Variants in GPC5 observed in about 807,000 individuals in gnomAD.
The protein encoded by GPC5 is glypican 5.
A neutral mutation model predicts 53.9 loss-of-function variants in GPC5; 47 were observed. The ratio of observed to expected loss-of-function variants is 0.87; its 90% CI spans 0.69 to 1.11. The LOEUF is 1.11. GPC5 is among the 50% of genes most tolerant of loss of function. GPC5 has a pLI of 0.00. For missense variants in GPC5, 748 were observed against 713.1 expected (o/e 1.05, Z -0.56); for synonymous variants, 286 against 263.3 (o/e 1.09, Z -0.84).
chr13:92,351,474 T>A (rs1338361154), intron 7 of GPC5, among the ~76,000 whole-genome samples: 1 of 151,974 alleles, frequency 6.6e-6, no homozygotes, highest in Non-Finnish European at 1.5e-5. Context: ...ACAATGAACA[T>A]TTCTGTTCAA....
intron 5 of GPC5, 155 bp downstream of exon 5, chr13:91,756,575 C>T: frequency 1.8e-6 from 1 of 550,308 alleles, no homozygotes; most frequent in Non-Finnish European, 2.9e-6. Flanking sequence ...AGGAAAAGAA[C>T]AACAAAACCT....
At chr13:92,497,936 T>A (rs1227932217) in intron 7 of GPC5, among the ~76,000 whole-genome samples, 1 of 152,080 alleles carries the variant, frequency 6.6e-6, no homozygotes, top group East Asian at 1.9e-4. Context: ...TTTTGCACAT[T>A]GCTTTTGTAT....
chr13:92,412,606 C>T (rs548990167), intron 7 of GPC5, among the ~76,000 whole-genome samples: 4 of 152,162 alleles, frequency 2.6e-5, no homozygotes, highest in Non-Finnish European at 5.9e-5. Context: ...TGAAACATAG[C>T]CATGACCATT....
chr13:91,597,756 A>G (rs2033045821), intron 2 of GPC5, among the ~76,000 whole-genome samples: 2 of 152,108 alleles, frequency 1.3e-5, no homozygotes, highest in African/African-American at 4.8e-5. Flanking sequence ...CTGGGGTCCA[A>G]AATGGGGCAT....
chr13:92,111,885 G>T (rs1310132039), intron 6 of GPC5, among the ~76,000 whole-genome samples: 1 of 152,168 alleles, frequency 6.6e-6, no homozygotes, highest in East Asian at 1.9e-4. Flanking sequence ...AAGGGAGGAT[G>T]ATAAAAGTTT....
chr13:91,441,442 A>T (rs1003569935), intron 1 of GPC5, among the ~76,000 whole-genome samples: 2 of 152,170 alleles, frequency 1.3e-5, no homozygotes, highest in African/African-American at 4.8e-5. Flanking sequence ...AGATTTCTTT[A>T]TATTGCAGGT....
At chr13:92,613,580 ATAT>A (rs1190657834) in intron 7 of GPC5, among the ~76,000 whole-genome samples, 49 of 119,170 alleles carry the variant, frequency 4.1e-4, no homozygotes, top group East Asian at 3.6e-3. Flanking sequence ...ATAATATATA[ATAT>A]TTTATATATC....
Position 92,657,533 on chromosome 13 carries a change from C to T in GPC5, c.1562-208749C>T, listed in dbSNP as rs540578527. Reference sequence around the variant, plus strand: ...GATTAAATTAGAGACACAACTGGCACGGAAGAGTGTTAGTCAGAACTACTA... The same window carrying T: ...GATTAAATTAGAGACACAACTGGCATGGAAGAGTGTTAGTCAGAACTACTA... On this transcript the variant is annotated intron_variant, in intron 7 of 7. Transcript: ENST00000377067. 3.4e-5 allele frequency among the ~76,000 whole-genome samples: 5 copies of T among 146,836 alleles called. No homozygotes were observed. The East Asian group carries it at 6.0e-4, about 18-fold the overall frequency.
intron 7 of GPC5, among the ~76,000 whole-genome samples, chr13:92,543,879 CAT>C (rs1882013780): frequency 2.0e-5 from 3 of 151,908 alleles, no homozygotes; most frequent in South Asian, 2.1e-4. Context: ...AAATGCATCT[CAT>C]GTGTAGTTTA....
intron 2 of GPC5, among the ~76,000 whole-genome samples, chr13:91,507,208 G>A (rs1193586490): frequency 6.6e-6 from 1 of 152,070 alleles, no homozygotes; most frequent in South Asian, 2.1e-4. Context: ...CCTAGTTCCT[G>A]GTTCATAGAT....
chr13:91,535,506 A>G (rs958150535), intron 2 of GPC5, among the ~76,000 whole-genome samples: 3 of 152,202 alleles, frequency 2.0e-5, no homozygotes, highest in Admixed American at 6.5e-5. Flanking sequence ...TGAAAATATT[A>G]TATACACATT....
intron 7 of GPC5, among the ~76,000 whole-genome samples, chr13:92,669,853 T>C (rs562591008): frequency 6.6e-6 from 1 of 152,276 alleles, no homozygotes; most frequent in South Asian, 2.1e-4. Flanking sequence ...TGTCCCTTCA[T>C]AGTCAATAGC....
At chr13:92,181,172 G>A (rs930238360) in intron 7 of GPC5, among the ~76,000 whole-genome samples, 13 of 152,122 alleles carry the variant, frequency 8.5e-5, no homozygotes, top group African/African-American at 2.7e-4. Context: ...GTCCACAATA[G>A]CTAGTCTTTA....
Position 91,498,521 on chromosome 13 carries a change from C to T in GPC5, c.325+49599C>T, listed in dbSNP as rs183578713. Among the ~76,000 whole-genome samples, 13 of 151,942 alleles carry T rather than the reference C, an allele frequency of 8.6e-5. No homozygotes were observed. In the East Asian group the frequency reaches 2.1e-3, roughly 25 times the overall value. ...ATAATTAACTAGGGTGTGAACTGGG[C>T]GTAGGATAGCCAGGAGCATGTGGAG... On this transcript the variant is annotated intron_variant, in intron 2 of 7. Transcript: ENST00000377067.
chr13:92,750,825 A>G (rs911285966), intron 7 of GPC5, among the ~76,000 whole-genome samples: 22 of 152,310 alleles, frequency 1.4e-4, no homozygotes, highest in African/African-American at 5.3e-4. Context: ...GACCTGAGCT[A>G]TTAGCTAACC....
intron 7 of GPC5, among the ~76,000 whole-genome samples, chr13:92,374,113 T>C (rs147855762): frequency 2.6e-5 from 4 of 152,292 alleles, no homozygotes; most frequent in African/African-American, 9.6e-5. Context: ...TCGAACTTGA[T>C]AAATTCTTCC....
In GPC5 at chr13:92,388,556, A is replaced by G. The variant is rs137906977; in HGVS notation, c.1561+243567A>G. On this transcript the variant is annotated intron_variant, in intron 7 of 7. Coordinates refer to ENST00000377067, the MANE Select transcript of GPC5 (RefSeq NM_004466.6). ...ACCAGGAATATACCCGCAATTAAAC[A>G]GGTTGGATGTATTGTTCATTGCAAT... 2.5e-3 allele frequency among the ~76,000 whole-genome samples: 380 copies of G among 152,218 alleles called. 4 individuals are homozygous for G. The highest frequency in any genetic ancestry group is 8.9e-3 in the African/African-American group (369 of 41,566).
chr13:92,004,458 T>TATATATATATATATATATATA (rs1555303834), intron 6 of GPC5, among the ~76,000 whole-genome samples: 2 of 82,528 alleles, frequency 2.4e-5, no homozygotes, highest in Non-Finnish European at 4.3e-5. Flanking sequence ...AAAAAAAAAA[T>TATATATATATATATATATATA]TATATATATA....
chr13:92,463,514 C>A (rs1292886483), intron 7 of GPC5, among the ~76,000 whole-genome samples: 3 of 152,158 alleles, frequency 2.0e-5, no homozygotes, highest in Non-Finnish European at 2.9e-5. Context: ...TCTGCTATAA[C>A]GGCAGGTTGC....
Sources: gnomAD v4.1 joint callset for allele counts (sites outside exome capture counted in the v4.1 genomes callset) on GRCh38, gnomAD v4.1.1 for gene constraint, MANE v1.5 for transcripts, NCBI Gene and HGNC (gene_info 2026-07-23, HGNC 2026-07-21) for gene names.